Variants in CALN1 observed in about 807,000 individuals in gnomAD.
CALN1 encodes the protein calneuron 1.
In CALN1, 17 loss-of-function variants were observed where a neutral mutation model predicts 30.6. That is an observed-to-expected ratio of 0.56 (90% CI 0.38 to 0.83). The LOEUF (loss-of-function observed/expected upper bound fraction) is 0.83. Ranked by LOEUF, CALN1 falls within the 40% of genes least tolerant of loss-of-function variation. The pLI, the probability that CALN1 is intolerant of heterozygous loss-of-function variation, is 0.00. For missense variants in CALN1, 291 were observed against 354.9 expected (o/e 0.82, Z 1.45); for synonymous variants, 156 against 131.4 (o/e 1.19, Z -1.28).
intron 5 of CALN1, among the ~76,000 whole-genome samples, chr7:71,998,613 A>G (rs1484179650): frequency 6.7e-6 from 1 of 148,696 alleles, no homozygotes; most frequent in Non-Finnish European, 1.5e-5. Flanking sequence ...TCTGTTCCCC[A>G]GGCTGGAGTG....
chr7:71,953,168 G>C lies in CALN1; in HGVS notation c.501+70489C>G, dbSNP rs150912309. ...GAACGGGATCTCGTTATGTTGCCCA[G>C]GGTGGTCTTGAACTCCTGGCCTCAA... On this transcript the variant is annotated intron_variant, in intron 5 of 6. Transcript: ENST00000395275. Among the ~76,000 whole-genome samples, 1,076 of 152,070 alleles carry C rather than the reference G, an allele frequency of 7.1e-3. 10 individuals carry two copies. Among genetic ancestry groups the C allele is most frequent in the African/African-American group, 0.024 (1,001 of 41,488 alleles).
chr7:71,989,330 C>T (rs2129527699), intron 5 of CALN1, among the ~76,000 whole-genome samples: 1 of 152,110 alleles, frequency 6.6e-6, no homozygotes, highest in East Asian at 1.9e-4. Context: ...CCCAGCTACT[C>T]AGGAGGCTGA....
At chr7:72,267,508 T>G (rs890565053) in intron 3 of CALN1, among the ~76,000 whole-genome samples, 6 of 152,168 alleles carry the variant, frequency 3.9e-5, no homozygotes, top group Non-Finnish European at 7.3e-5. Context: ...GTGGCAGAGA[T>G]ATATGTGATG....
intron 2 of CALN1, among the ~76,000 whole-genome samples, chr7:72,364,461 G>A (rs1169176974): frequency 6.6e-6 from 1 of 152,166 alleles, no homozygotes; most frequent in Non-Finnish European, 1.5e-5. Context: ...TTTAGTATTT[G>A]TCTCTATACC....
intron 2 of CALN1, among the ~76,000 whole-genome samples, chr7:72,357,650 T>C (rs77856485): frequency 6.6e-6 from 1 of 151,474 alleles, no homozygotes; most frequent in Non-Finnish European, 1.5e-5. Flanking sequence ...CAGACAACAG[T>C]AGTTGAAAAA....
At chr7:71,963,310 A>G (rs748760328) in intron 5 of CALN1, among the ~76,000 whole-genome samples, 8 of 152,024 alleles carry the variant, frequency 5.3e-5, no homozygotes, top group Non-Finnish European at 7.4e-5. Context: ...TTACAGGTGC[A>G]CGCCACCACG....
intron 3 of CALN1, among the ~76,000 whole-genome samples, chr7:72,118,661 G>C (rs1397942813): frequency 6.6e-6 from 1 of 152,244 alleles, no homozygotes; most frequent in Non-Finnish European, 1.5e-5. Flanking sequence ...AAAGCTCCAG[G>C]CAGGGCCAAA....
At position 72,333,357 on chromosome 7, in the gene CALN1, T is replaced by C. The variant is rs76900999; in HGVS notation, c.120-54547A>G. ...ACATAATAGGCACTGAATAAATGTT[T>C]GTTGAATGTTAAATGATTAAAAACT... is the stretch of plus-strand genomic sequence containing the variant. On this transcript the variant is annotated intron_variant, in intron 2 of 6. Transcript: ENST00000395275. Among the ~76,000 whole-genome samples, 182 of 152,378 alleles carry C rather than the reference T, an allele frequency of 1.2e-3. 1 individual carries two copies. Among genetic ancestry groups the C allele is most frequent in the African/African-American group, 4.2e-3 (173 of 41,594 alleles).
At position 72,024,226 on chromosome 7, in the gene CALN1, T is replaced by C. The variant is rs186876865; in HGVS notation, c.389-457A>G. Among the ~76,000 whole-genome samples, 44 of 152,294 alleles carry C rather than the reference T, an allele frequency of 2.9e-4. No homozygotes were observed. The East Asian group carries it at 3.9e-3, about 13-fold the overall frequency. On this transcript the variant is annotated intron_variant, in intron 4 of 6. Coordinates refer to ENST00000395275, the MANE Select transcript of CALN1 (RefSeq NM_031468.4). ...ATCTTCCTCATTACTCAATGGCTAG[T>C]TCCCTTTTCAACCATGAAGGTGAGA...
chr7:72,344,386 C>A (rs900852371), intron 2 of CALN1, among the ~76,000 whole-genome samples: 66 of 151,668 alleles, frequency 4.4e-4, no homozygotes, highest in African/African-American at 1.6e-3. Context: ...AGAAAAATGT[C>A]AAAAAATATG....
rs527326017 is a variant in CALN1 at position 72,005,637 on chromosome 7, C to A, written c.501+18020G>T. Among the ~76,000 whole-genome samples, 154 of 151,980 alleles carry A rather than the reference C, an allele frequency of 1.0e-3. 2 individuals carry two copies. Among genetic ancestry groups the A allele is most frequent in the Admixed American group, 8.6e-3 (132 of 15,276 alleles). ...TGAGCCACCCATGCCTGGCCCAGAG[C>A]AAATTATTGATACAACAATTTGAAT... On this transcript the variant is annotated intron_variant, in intron 5 of 6. Coordinates refer to ENST00000395275, the MANE Select transcript of CALN1 (RefSeq NM_031468.4).
intron 5 of CALN1, among the ~76,000 whole-genome samples, chr7:71,947,516 T>C (rs1796465773): frequency 6.6e-6 from 1 of 152,226 alleles, no homozygotes; most frequent in African/African-American, 2.4e-5. Flanking sequence ...TGCTATGGTA[T>C]GTCTTGAATT....
At chr7:72,179,302 G>C (rs556224669) in intron 3 of CALN1, among the ~76,000 whole-genome samples, 58 of 152,302 alleles carry the variant, frequency 3.8e-4, no homozygotes, top group African/African-American at 1.3e-3. Flanking sequence ...ATATGCTTGA[G>C]ATTAAAAGTT....
chr7:71,822,373 C>T (rs977403559), intron 5 of CALN1, among the ~76,000 whole-genome samples: 5 of 152,088 alleles, frequency 3.3e-5, no homozygotes, highest in South Asian at 2.1e-4. Context: ...CTCAGCCTCC[C>T]GAGTAGCTGG....
At chr7:72,034,388 G>A (rs1419961019) in intron 4 of CALN1, among the ~76,000 whole-genome samples, 2 of 150,754 alleles carry the variant, frequency 1.3e-5, no homozygotes, top group East Asian at 3.9e-4. Flanking sequence ...AAAGAAACTA[G>A]GAACAACAAA....
intron 3 of CALN1, 29 bp from the exon 4 acceptor site, chr7:72,106,323 T>C (rs1410276296): frequency 6.2e-7 from 1 of 1,612,822 alleles, no homozygotes. Context: ...GAAAGTCCAG[T>C]GGTCACATGG....
chr7:71,974,245 C>T (rs960751418), intron 5 of CALN1, among the ~76,000 whole-genome samples: 1 of 151,890 alleles, frequency 6.6e-6, no homozygotes, highest in Non-Finnish European at 1.5e-5. Context: ...TGGCAAAACC[C>T]TGTGTTTACT....
At chr7:72,076,873 C>G (rs1206053226) in intron 4 of CALN1, among the ~76,000 whole-genome samples, 1 of 152,130 alleles carries the variant, frequency 6.6e-6, no homozygotes, top group Admixed American at 6.6e-5. Context: ...ACACATCGTT[C>G]TAAGTGTCTC....
intron 3 of CALN1, among the ~76,000 whole-genome samples, chr7:72,257,745 T>C (rs35787114): frequency 0.36 from 54,193 of 151,762 alleles, 10,577 homozygotes; most frequent in Middle Eastern, 0.55. Flanking sequence ...ATAAAGAAAA[T>C]GTAGTATATG....
Sources: gnomAD v4.1 joint callset for allele counts (sites outside exome capture counted in the v4.1 genomes callset) on GRCh38, gnomAD v4.1.1 for gene constraint, MANE v1.5 for transcripts, NCBI Gene and HGNC (gene_info 2026-07-23, HGNC 2026-07-21) for gene names.